The following MED22 variants were observed in gnomAD, a reference collection of about 807,000 sequenced individuals.
MED22 encodes the protein mediator of RNA polymerase II transcription subunit 22.
A neutral mutation model predicts 22.7 loss-of-function variants in MED22; 22 were observed. The ratio of observed to expected loss-of-function variants is 0.97; its 90% CI spans 0.69 to 1.38. The LOEUF (loss-of-function observed/expected upper bound fraction) is 1.38. Among genes scored for constraint, MED22 ranks in the 40% most tolerant of loss-of-function variants. The pLI is 0.00. For missense variants in MED22, 247 were observed against 263.0 expected (o/e 0.94, Z 0.42); for synonymous variants, 134 against 119.4 (o/e 1.12, Z -0.80).
Position 133,346,597 on chromosome 9 carries a change from C to T in MED22, c.66G>A (p.Leu22=), listed in dbSNP as rs2129968979. ...CCATGATGGACTTAATGTCGTCCTT[C>T]AGCCGCTTGTTGTAGGACTGCAGCA... ...ETLLQSYNKR[L]KDDIKSIMDN... Residue 22 remains leucine (L), a synonymous_variant, in exon 2 of 5, where the codon CTG becomes CTA. Coordinates refer to ENST00000343730, the MANE Select transcript of MED22 (RefSeq NM_133640.5). The T allele has an allele frequency of 6.2e-7, 1 of 1,613,114 alleles. No individual in the cohort carries two copies.
In MED22 at chr9:133,348,119, G is replaced by C. The variant is rs1164056954; in HGVS notation, c.-236C>G. The stretch of plus-strand genomic sequence containing the variant: ...CCTCTCGGCCCCGCCTCGATTTTTA[G>C]CTTTATAGGAATGCTGTTGCTTTAA... On this transcript the variant is annotated 5_prime_UTR_variant, in exon 1 of 5. Coordinates refer to ENST00000343730, the MANE Select transcript of MED22 (RefSeq NM_133640.5). 1 of 1,401,940 alleles carries C rather than the reference G, an allele frequency of 7.1e-7. No homozygotes were observed. 86.8% of individuals were successfully genotyped at this position (1,401,940 alleles called of 1,614,324 possible). A position where few individuals can be genotyped will look rare whatever the true frequency, so the allele number is the denominator to read the frequency against.
At position 133,342,938 on chromosome 9, in the gene MED22, T is replaced by C. The variant is rs2129955351; in HGVS notation, c.413+1187A>G. 1.9e-4 allele frequency: 189 copies of C among 985,704 alleles called. 1 individual carries two copies. In the African/African-American group the frequency reaches 3.1e-3, roughly 16 times the overall value. The allele number at this position is 985,704 out of a possible 1,614,324, so 61.1% of individuals were successfully genotyped here. On this transcript the variant is annotated intron_variant, in intron 4 of 4. Transcript: ENST00000343730. The stretch of plus-strand genomic sequence containing the variant: ...TCTGTGCAGGGGCCCTCAGGGACGG[T>C]GGCTGCCTCAAAGAGACCGACAAAC...
intron 4 of MED22, chr9:133,342,027 T>A (rs1271459874): frequency 8.9e-7 from 1 of 1,120,940 alleles, no homozygotes; most frequent in South Asian, 2.3e-5. Flanking sequence ...GTCCCCCTCC[T>A]CTTGCAAAAA....
chr9:133,339,538 A>G lies in MED22; in HGVS notation c.*1967T>C. On this transcript the variant is annotated 3_prime_UTR_variant, in exon 5 of 5. Coordinates refer to ENST00000343730, the MANE Select transcript of MED22 (RefSeq NM_133640.5). The stretch of plus-strand genomic sequence containing the variant: ...AGGCATTAAAAAAACTATTTGGGGA[A>G]CAACTGAAGAAATCTGAATACAGCT... 1.9e-6 allele frequency: 1 copy of G among 534,524 alleles called. No homozygotes were observed. The highest frequency in any genetic ancestry group is 3.4e-6 in the Non-Finnish European group (1 of 296,522). The allele number at this position is 534,524 out of a possible 1,614,324, so 33.1% of individuals were successfully genotyped here. A position where few individuals can be genotyped will look rare whatever the true frequency, so the allele number is the denominator to read the frequency against.
At chr9:133,345,514 A>G (rs2129965621) in intron 2 of MED22, among the ~76,000 whole-genome samples, 79,683 of 152,156 alleles carry the variant, frequency 0.52, 21,199 homozygotes, top group African/African-American at 0.58. Context: ...TGCTTGCTGT[A>G]CTAGGTGCAG....
chr9:133,348,042 AGTCTCTCTTCCCCGCCGCGCCGCG>A lies in MED22; in HGVS notation c.-183_-160del, dbSNP rs1396128866. 1.1e-5 allele frequency: 8 copies of A among 701,292 alleles called. No individual in the cohort carries two copies. Among genetic ancestry groups the A allele is most frequent in the Admixed American group, 7.0e-5 (3 of 43,148 alleles). 43.4% of individuals were successfully genotyped at this position (701,292 alleles called of 1,614,324 possible). The stretch of plus-strand genomic sequence containing the variant: ...TCCCACGGCCTGGCCCTCCCGCCGC[AGTCTCTCTTCCCCGCCGCGCCGCG>A]GTCCGAAAACCTAGTCAGCCGCCGC... On this transcript the variant is annotated 5_prime_UTR_variant, in exon 1 of 5. Transcript: ENST00000343730.
intron 3 of MED22, 33 bp downstream of exon 3, chr9:133,345,139 G>A (rs1836142063): frequency 1.2e-6 from 2 of 1,608,160 alleles, no homozygotes; most frequent in Non-Finnish European, 1.7e-6. Context: ...TGCTCTTGGA[G>A]CCCAGGCCGT....
chr9:133,346,795 T>C (rs1401085039), intron 1 of MED22, 95 bp from the exon 2 acceptor site: 2 of 1,104,538 alleles, frequency 1.8e-6, no homozygotes, highest in African/African-American at 3.2e-5. Flanking sequence ...TTCTGGGGAT[T>C]CCCTTTCTGC....
At chr9:133,345,324 G>T in intron 2 of MED22, 72 bp from the exon 3 acceptor site, 1 of 1,452,670 alleles carries the variant, frequency 6.9e-7, no homozygotes, top group Non-Finnish European at 9.5e-7. Context: ...GCCCAGCCCA[G>T]CTTACGGTAA....
chr9:133,342,439 G>A lies in MED22; in HGVS notation c.414-745C>T, dbSNP rs2129953289. On this transcript the variant is annotated intron_variant, in intron 4 of 4. Transcript: ENST00000343730. ...GCCCTCAGTGTTCAGTCTCAGAACC[G>A]TCCTGGGCACAGAGTGGCATCCCGA... 1.4e-5 allele frequency: 14 copies of A among 986,022 alleles called. No individual in the cohort carries two copies. In the East Asian group the frequency reaches 3.4e-4, roughly 24 times the overall value. 61.1% of individuals were successfully genotyped at this position (986,022 alleles called of 1,614,324 possible).
chr9:133,342,533 G>A, intron 4 of MED22: 37 of 986,294 alleles, frequency 3.8e-5, no homozygotes, highest in Non-Finnish European at 4.5e-5. Flanking sequence ...CGAGCACAGA[G>A]GCGCAGCTCA....
At chr9:133,343,935 G>A (rs1836092344) in intron 4 of MED22, 190 bp downstream of exon 4, 2 of 1,442,526 alleles carry the variant, frequency 1.4e-6, no homozygotes, top group Non-Finnish European at 9.1e-7. Flanking sequence ...AAAGGCCCAG[G>A]GCCCTGGCAT....
At chr9:133,342,284 G>A (rs1231295244) in intron 4 of MED22, 1 of 986,122 alleles carries the variant, frequency 1.0e-6, no homozygotes, top group African/African-American at 1.7e-5. Context: ...CCAGGATGCA[G>A]GTGAAGAGCT....
rs1836249683 is a variant in MED22, at chr9:133,348,007, C to T, written c.-124G>A. ...CAAGTGCCTCTGCGACCCGCACTTT[C>T]CCGCGTCTCTCCCACGGCCTGGCCC... On this transcript the variant is annotated 5_prime_UTR_variant, in exon 1 of 5. Transcript: ENST00000343730. 1 of 597,268 alleles carries T rather than the reference C, an allele frequency of 1.7e-6. No homozygotes were observed. Among genetic ancestry groups the T allele is most frequent in the Non-Finnish European group, 3.0e-6 (1 of 335,742 alleles). 37.0% of individuals were successfully genotyped at this position (597,268 alleles called of 1,614,324 possible).
chr9:133,341,930 C>T (rs2129951644), intron 4 of MED22: 133 of 1,312,774 alleles, frequency 1.0e-4, no homozygotes, highest in Non-Finnish European at 1.2e-4. Context: ...CCTGGCCCAA[C>T]CACCAACAGC....
At chr9:133,347,148 C>T (rs1302858560) in intron 1 of MED22, 1 of 161,730 alleles carries the variant, frequency 6.2e-6, no homozygotes, top group Non-Finnish European at 1.4e-5. Context: ...CTCAGGCTGC[C>T]CCGCTCCAGA....
chr9:133,343,086 G>C (rs1177669074), intron 4 of MED22: 1 of 999,544 alleles, frequency 1.0e-6, no homozygotes, highest in South Asian at 4.7e-5. Context: ...GGGGACCAAA[G>C]ATTCCCTCAG....
At position 133,339,625 on chromosome 9, in the gene MED22, T is replaced by C; in HGVS notation, c.*1880A>G. 1 of 402,260 alleles carries C rather than the reference T, an allele frequency of 2.5e-6. No individual in the cohort carries two copies. Among genetic ancestry groups the C allele is most frequent in the Non-Finnish European group, 4.6e-6 (1 of 218,606 alleles). The allele number at this position is 402,260 out of a possible 1,614,324, so 24.9% of individuals were successfully genotyped here. ...TTGTGGTGATGGACGAAGGAGAATGTGCTCAGAGAGGCAAACTGACAAGTA... is the reference window on the plus strand; with the variant it reads ...TTGTGGTGATGGACGAAGGAGAATGCGCTCAGAGAGGCAAACTGACAAGTA... On this transcript the variant is annotated 3_prime_UTR_variant, in exon 5 of 5. Coordinates refer to ENST00000343730, the MANE Select transcript of MED22 (RefSeq NM_133640.5).
At position 133,339,648 on chromosome 9, in the gene MED22, G is replaced by A. The variant is rs1835963264; in HGVS notation, c.*1857C>T. The A allele has an allele frequency of 5.4e-6, 2 of 369,546 alleles. No homozygotes were observed. Among genetic ancestry groups the A allele is most frequent in the South Asian group, 2.7e-5 (1 of 36,616 alleles). The allele number at this position is 369,546 out of a possible 1,614,324, so 22.9% of individuals were successfully genotyped here. ...TGTGCTCAGAGAGGCAAACTGACAAGTACTTCCATGAGTTCCACTGCCCTC... is the reference window on the plus strand; with the variant it reads ...TGTGCTCAGAGAGGCAAACTGACAAATACTTCCATGAGTTCCACTGCCCTC... On this transcript the variant is annotated 3_prime_UTR_variant, in exon 5 of 5. Coordinates refer to ENST00000343730, the MANE Select transcript of MED22 (RefSeq NM_133640.5).
Sources: gnomAD v4.1 joint callset for allele counts (sites outside exome capture counted in the v4.1 genomes callset) on GRCh38, gnomAD v4.1.1 for gene constraint, MANE v1.5 for transcripts, NCBI Gene and HGNC (gene_info 2026-07-23, HGNC 2026-07-21) for gene names.